Variants in RARRES1 observed in about 807,000 individuals in gnomAD.
RARRES1 encodes retinoic acid receptor responder protein 1.
A neutral mutation model predicts 30.6 loss-of-function variants in RARRES1; 34 were observed. The observed-to-expected ratio is 1.11, with a 90% CI of 0.84 to 1.48. RARRES1 has a LOEUF of 1.48. Among genes scored for constraint, RARRES1 ranks in the 40% most tolerant of loss-of-function variants. The pLI is 0.00. For missense variants in RARRES1, 373 were observed against 386.5 expected, an observed-to-expected ratio of 0.97 and a Z score of 0.29; for synonymous variants, 153 against 155.5, an observed-to-expected ratio of 0.98 and a Z score of 0.12.
At chr3:158,718,418 A>G (rs1209212793) in intron 1 of RARRES1, among the ~76,000 whole-genome samples, 1 of 152,256 alleles carries the variant, frequency 6.6e-6, no homozygotes, top group Non-Finnish European at 1.5e-5. Context: ...AAAGCTCTGA[A>G]GGCCTACTCA....
chr3:158,699,290 T>G (rs990407352), intron 4 of RARRES1, among the ~76,000 whole-genome samples: 1 of 152,200 alleles, frequency 6.6e-6, no homozygotes, highest in Non-Finnish European at 1.5e-5. Flanking sequence ...CTTCTTCCCC[T>G]AAGCTAGCTT....
At chr3:158,715,626 G>A (rs562860280) in intron 1 of RARRES1, among the ~76,000 whole-genome samples, 8 of 152,238 alleles carry the variant, frequency 5.3e-5, no homozygotes, top group African/African-American at 1.9e-4. Flanking sequence ...TTCAATGTCT[G>A]TTTACTATTT....
intron 1 of RARRES1, among the ~76,000 whole-genome samples, chr3:158,730,395 C>CCTTCCTTT (rs928670163): frequency 3.0e-5 from 3 of 99,530 alleles, no homozygotes; most frequent in Admixed American, 9.4e-5. Context: ...TTCCTTCCTT[C>CCTTCCTTT]CTTCCTTCCT....
intron 1 of RARRES1, among the ~76,000 whole-genome samples, chr3:158,728,390 C>T (rs111781006): frequency 3.9e-5 from 6 of 152,270 alleles, no homozygotes; most frequent in African/African-American, 1.4e-4. Flanking sequence ...CCTGCTCGCC[C>T]CTCAGGGTCA....
chr3:158,727,046 C>T (rs1179878642), intron 1 of RARRES1, among the ~76,000 whole-genome samples: 1 of 152,184 alleles, frequency 6.6e-6, no homozygotes, highest in Non-Finnish European at 1.5e-5. Flanking sequence ...TGCCCTCTGC[C>T]ATGATTGTAA....
intron 2 of RARRES1, among the ~76,000 whole-genome samples, chr3:158,712,982 A>AT (rs1177753817): frequency 6.6e-6 from 1 of 152,244 alleles, no homozygotes; most frequent in African/African-American, 2.4e-5. Flanking sequence ...AGCAAAGAGC[A>AT]TACTGCTGTC....
intron 1 of RARRES1, among the ~76,000 whole-genome samples, chr3:158,722,807 G>A (rs995415892): frequency 2.6e-5 from 4 of 151,594 alleles, no homozygotes; most frequent in Admixed American, 1.3e-4. Flanking sequence ...GCCTGAACCC[G>A]GGAGGTGGAG....
rs552176804 is a variant in RARRES1 at position 158,696,990 on chromosome 3, A to T, written c.*688T>A. On this transcript the variant is annotated 3_prime_UTR_variant, in exon 6 of 6. Coordinates refer to ENST00000237696, the MANE Select transcript of RARRES1 (RefSeq NM_206963.2). The stretch of plus-strand genomic sequence containing the variant: ...TGCAGACAGCTTTATCTGGTGAGAC[A>T]GACGTTCTATTATTTGTAAAATTTA... 1 of 152,376 alleles carries T rather than the reference A, an allele frequency of 6.6e-6. No homozygotes were observed. Among genetic ancestry groups the T allele is most frequent in the East Asian group, 1.9e-4 (1 of 5,192 alleles). 9.4% of individuals were successfully genotyped at this position (152,376 alleles called of 1,614,324 possible). A position where few individuals can be genotyped will look rare whatever the true frequency, so the allele number is the denominator to read the frequency against.
At chr3:158,700,202 A>AGTGTGTGTGTGTGTGT (rs138755640) in intron 4 of RARRES1, among the ~76,000 whole-genome samples, 6 of 147,788 alleles carry the variant, frequency 4.1e-5, no homozygotes, top group Non-Finnish European at 6.0e-5. Context: ...AATAATAATA[A>AGTGTGTGTGTGTGTGT]GTGTGTGTGT....
At position 158,723,581 on chromosome 3, in the gene RARRES1, C is replaced by T. The variant is rs1045723848; in HGVS notation, c.276+8559G>A. Reference sequence around the variant, plus strand: ...TGGGGCCCAAGGAGCTCTTTGCGTGCGAATGCTTTGCTTTCTCAGGCTAAG... The same window carrying T: ...TGGGGCCCAAGGAGCTCTTTGCGTGTGAATGCTTTGCTTTCTCAGGCTAAG... On this transcript the variant is annotated intron_variant, in intron 1 of 5. Coordinates refer to ENST00000237696, the MANE Select transcript of RARRES1 (RefSeq NM_206963.2). This position sits in a 1 kb window ranked among gnomAD's most constrained non-coding sequence, Gnocchi z 4.4. Among the ~76,000 whole-genome samples, 3 of 152,218 alleles carry T rather than the reference C, an allele frequency of 2.0e-5. No individual in the cohort carries two copies. The highest frequency in any genetic ancestry group is 2.9e-5 in the Non-Finnish European group (2 of 68,038).
rs147098698 is a variant in RARRES1, at chr3:158,708,753, C to A, written c.535+1985G>T. Among the ~76,000 whole-genome samples, 540 of 152,144 alleles carry A rather than the reference C, an allele frequency of 3.5e-3. 4 individuals carry two copies. The highest frequency in any genetic ancestry group is 0.013 in the African/African-American group (525 of 41,506). ...AATCTTGGCTCACTGCAACCTCTGA[C>A]TCCCTGGTTCAAGCGCGATTCTTTT... On this transcript the variant is annotated intron_variant, in intron 3 of 5. Coordinates refer to ENST00000237696, the MANE Select transcript of RARRES1 (RefSeq NM_206963.2).
At position 158,723,746 on chromosome 3, in the gene RARRES1, T is replaced by G. The variant is rs1165042302; in HGVS notation, c.276+8394A>C. Among the ~76,000 whole-genome samples, 3 of 151,814 alleles carry G rather than the reference T, an allele frequency of 2.0e-5. No homozygotes were observed. Among genetic ancestry groups the G allele is most frequent in the Admixed American group, 1.3e-4 (2 of 15,244 alleles). On this transcript the variant is annotated intron_variant, in intron 1 of 5. Transcript: ENST00000237696. This position sits in a 1 kb window ranked among gnomAD's most constrained non-coding sequence, Gnocchi z 4.4. ...CCTCCAGGTCCCCTCTGGCCTCAGGTGGGGATAATCAGAAAAGGCTGGTTG... is the reference window on the plus strand; with the variant it reads ...CCTCCAGGTCCCCTCTGGCCTCAGGGGGGGATAATCAGAAAAGGCTGGTTG...
intron 3 of RARRES1, among the ~76,000 whole-genome samples, chr3:158,705,932 A>G (rs1008256810): frequency 1.3e-5 from 2 of 152,192 alleles, no homozygotes; most frequent in Non-Finnish European, 1.5e-5. Flanking sequence ...CTAATAAATT[A>G]TTGTTTGTGA....
At chr3:158,712,765 A>T (rs1727179472) in intron 2 of RARRES1, among the ~76,000 whole-genome samples, 1 of 152,208 alleles carries the variant, frequency 6.6e-6, no homozygotes, top group South Asian at 2.1e-4. Context: ...AGGATAAAAG[A>T]ACTGCTCTTC....
At chr3:158,722,390 C>T (rs1242889778) in intron 1 of RARRES1, among the ~76,000 whole-genome samples, 1 of 151,998 alleles carries the variant, frequency 6.6e-6, no homozygotes, top group African/African-American at 2.4e-5. Context: ...TAGGCACTAC[C>T]CACTTTTTTT....
chr3:158,706,885 T>C (rs778848313), intron 3 of RARRES1, among the ~76,000 whole-genome samples: 1 of 152,132 alleles, frequency 6.6e-6, no homozygotes, highest in Non-Finnish European at 1.5e-5. Flanking sequence ...GTGCTGCAGA[T>C]AGGCCGGGCA....
intron 1 of RARRES1, among the ~76,000 whole-genome samples, chr3:158,720,064 A>C (rs371082493): frequency 6.6e-6 from 1 of 152,182 alleles, no homozygotes; most frequent in Non-Finnish European, 1.5e-5. Context: ...TTTAAGGATG[A>C]AGAAATGGAG....
intron 1 of RARRES1, among the ~76,000 whole-genome samples, chr3:158,725,775 G>T (rs1173088663): frequency 6.6e-6 from 1 of 152,238 alleles, no homozygotes; most frequent in African/African-American, 2.4e-5. Flanking sequence ...CCGGGACCTA[G>T]TGGCCTTTCT....
intron 1 of RARRES1, among the ~76,000 whole-genome samples, chr3:158,714,284 G>A (rs150483719): frequency 8.7e-4 from 133 of 152,326 alleles, no homozygotes; most frequent in Non-Finnish European, 1.5e-3. Context: ...GGGGATGCTG[G>A]CAACAAACGC....
Sources: allele counts gnomAD v4.1 joint callset (sites outside exome capture counted in the v4.1 genomes callset), GRCh38; gene constraint gnomAD v4.1.1; non-coding constraint Gnocchi (gnomAD v3.1); transcripts MANE v1.5; gene names NCBI Gene and HGNC (gene_info 2026-07-23, HGNC 2026-07-21).